CREB3L2: variants seen among roughly 807,000 people sequenced by gnomAD.
CREB3L2 encodes the protein cyclic AMP-responsive element-binding protein 3-like protein 2.
In CREB3L2, 23 loss-of-function variants were observed where a neutral mutation model predicts 57.2. That is an observed-to-expected ratio of 0.40 (90% CI 0.29 to 0.57). The LOEUF (loss-of-function observed/expected upper bound fraction) is 0.57, where lower values mean the gene tolerates loss of function less well. Among genes scored for constraint, CREB3L2 ranks in the 20% least tolerant of loss-of-function variants. The probability of loss-of-function intolerance (pLI) is 0.42; values close to 1 mark genes in which losing one functional copy is unlikely to be tolerated. For missense variants in CREB3L2, 628 were observed against 634.7 expected, an observed-to-expected ratio of 0.99 and a Z score of 0.11; for synonymous variants, 268 against 265.1, an observed-to-expected ratio of 1.01 and a Z score of -0.11.
In CREB3L2 at chr7:137,979,970, A is replaced by G. The variant is rs376933281; in HGVS notation, c.102+21634T>C. Among the ~76,000 whole-genome samples the G allele has an allele frequency of 7.9e-5, 12 of 152,334 alleles. No homozygotes were observed. The East Asian group carries it at 1.9e-3, about 24-fold the overall frequency. On this transcript the variant is annotated intron_variant, in intron 1 of 11. Coordinates refer to ENST00000330387, the MANE Select transcript of CREB3L2 (RefSeq NM_194071.4). Reference sequence around the variant, plus strand: ...TTGATCTGGCATCAGTACCTGGTGCATGCGGATGATGGGTGAGTCCAATCA... The same window carrying G: ...TTGATCTGGCATCAGTACCTGGTGCGTGCGGATGATGGGTGAGTCCAATCA...
In CREB3L2 at chr7:137,964,220, G is replaced by A. The variant is rs150337127; in HGVS notation, c.103-35854C>T. 5.1e-4 allele frequency among the ~76,000 whole-genome samples: 77 copies of A among 152,322 alleles called. 3 individuals are homozygous for A. In the East Asian group the frequency reaches 0.015, roughly 29 times the overall value. On this transcript the variant is annotated intron_variant, in intron 1 of 11. Transcript: ENST00000330387. ...AATCCCAGCTACTTGGGAGGCTGAG[G>A]CAGGAGAATCACTTGAACCCAGGAG...
At position 137,992,564 on chromosome 7, in the gene CREB3L2, C is replaced by A. The variant is rs955837850; in HGVS notation, c.102+9040G>T. ...TCAGGTGGACCTAGCAGGCTTGAGT[C>A]AAACTCCAAAGATCTGCTTTTCGTC... On this transcript the variant is annotated intron_variant, in intron 1 of 11. Coordinates refer to ENST00000330387, the MANE Select transcript of CREB3L2 (RefSeq NM_194071.4). Among the ~76,000 whole-genome samples the A allele has an allele frequency of 4.6e-5, 7 of 152,332 alleles. No individual in the cohort carries two copies. The South Asian group carries it at 1.0e-3, about 23-fold the overall frequency.
intron 1 of CREB3L2, among the ~76,000 whole-genome samples, chr7:137,993,699 T>A (rs1295933822): frequency 6.6e-6 from 1 of 152,118 alleles, no homozygotes; most frequent in South Asian, 2.1e-4. Context: ...GTTTTAAAAA[T>A]ATATAAAAAC....
At chr7:137,882,358 C>A in intron 11 of CREB3L2, 54 bp downstream of exon 11, 1 of 1,401,080 alleles carries the variant, frequency 7.1e-7, no homozygotes, top group South Asian at 1.2e-5. Flanking sequence ...GTTGCTGACT[C>A]ATAACCCACC....
At chr7:137,979,038 C>G (rs1801663946) in intron 1 of CREB3L2, among the ~76,000 whole-genome samples, 1 of 152,152 alleles carries the variant, frequency 6.6e-6, no homozygotes, top group African/African-American at 2.4e-5. Flanking sequence ...TGATGCTACT[C>G]TGGGAAAAAG....
At chr7:137,930,749 G>C (rs1800598332) in intron 1 of CREB3L2, among the ~76,000 whole-genome samples, 1 of 152,176 alleles carries the variant, frequency 6.6e-6, no homozygotes, top group African/African-American at 2.4e-5. Flanking sequence ...GTCAGGGAGA[G>C]AGCTCTCTGA....
At position 137,928,279 on chromosome 7, in the gene CREB3L2, T is replaced by A. The variant is rs979100875; in HGVS notation, c.190A>T (p.Met64Leu). 6.2e-7 allele frequency: 1 copy of A among 1,614,060 alleles called. No individual in the cohort carries two copies. Among genetic ancestry groups the A allele is most frequent in the South Asian group, 1.1e-5 (1 of 91,056 alleles). The change falls in exon 2 of 12, where the codon ATG (methionine) becomes TTG (leucine). Residue 64 changes from methionine (M) to leucine (L), a missense_variant. Met to Leu is a conservative substitution (Grantham distance 15, BLOSUM62 2). This residue lies in a region of CREB3L2 where 339 missense variants were observed against 355.4 expected (regional missense o/e 0.95). Transcript: ENST00000330387. Reference protein sequence around the residue: ...DPFLSEKSVSMEVEPSPTSPA... With the variant: ...DPFLSEKSVSLEVEPSPTSPA... ...GACGTCGGGGAAGGTTCCACCTCCA[T>A]TGACACACTCTTCTCTGAGAGGAAA... is the stretch of plus-strand genomic sequence containing the variant.
chr7:137,944,303 A>G (rs1411039578), intron 1 of CREB3L2, among the ~76,000 whole-genome samples: 1 of 152,196 alleles, frequency 6.6e-6, no homozygotes, highest in Admixed American at 6.5e-5. Context: ...TCTCTGCCTC[A>G]TGATGTCTGC....
chr7:137,996,598 C>T (rs1227366377), intron 1 of CREB3L2, among the ~76,000 whole-genome samples: 2 of 152,172 alleles, frequency 1.3e-5, no homozygotes, highest in African/African-American at 4.8e-5. Flanking sequence ...TATCACTCTC[C>T]GGGCCAGGCG....
chr7:137,932,346 T>C (rs981386951), intron 1 of CREB3L2, among the ~76,000 whole-genome samples: 1 of 152,190 alleles, frequency 6.6e-6, no homozygotes, highest in Non-Finnish European at 1.5e-5. Context: ...GTTTTCAGAA[T>C]GTGGTTTAAA....
At chr7:137,961,726 C>T (rs922429265) in intron 1 of CREB3L2, among the ~76,000 whole-genome samples, 2 of 152,268 alleles carry the variant, frequency 1.3e-5, no homozygotes, top group African/African-American at 2.4e-5. Context: ...CCGGGGGGCA[C>T]ACCTCACAAG....
chr7:137,881,704 C>T (rs1235034883), intron 11 of CREB3L2, among the ~76,000 whole-genome samples: 1 of 152,184 alleles, frequency 6.6e-6, no homozygotes, highest in Non-Finnish European at 1.5e-5. Flanking sequence ...AATCACCAAC[C>T]ATGTCACACG....
At chr7:137,898,410 A>G (rs543825160) in intron 8 of CREB3L2, among the ~76,000 whole-genome samples, 3 of 152,366 alleles carry the variant, frequency 2.0e-5, no homozygotes, top group Non-Finnish European at 2.9e-5. Flanking sequence ...CTCTGCTGGT[A>G]TATACCCAAA....
intron 1 of CREB3L2, among the ~76,000 whole-genome samples, chr7:137,934,407 T>A (rs748978209): frequency 6.6e-5 from 10 of 152,220 alleles, no homozygotes; most frequent in Non-Finnish European, 1.3e-4. Context: ...ATGGACTAAG[T>A]ACTTGACATA....
At chr7:137,949,940 C>T (rs555644912) in intron 1 of CREB3L2, among the ~76,000 whole-genome samples, 15 of 152,226 alleles carry the variant, frequency 9.9e-5, no homozygotes, top group Non-Finnish European at 1.5e-4. Context: ...TCCTTGTCAA[C>T]GGAGGTACTG....
intron 1 of CREB3L2, among the ~76,000 whole-genome samples, chr7:137,979,554 C>G (rs890665008): frequency 6.6e-6 from 1 of 151,978 alleles, no homozygotes; most frequent in Non-Finnish European, 1.5e-5. Context: ...TGAAACCCCA[C>G]CTCTACTAAA....
intron 1 of CREB3L2, among the ~76,000 whole-genome samples, chr7:137,971,198 C>G (rs993174462): frequency 7.2e-5 from 11 of 152,044 alleles, no homozygotes; most frequent in Admixed American, 2.6e-4. Context: ...CGCCTGTAAT[C>G]CCAGCACTTT....
chr7:137,898,691 G>A (rs190060058), intron 8 of CREB3L2, among the ~76,000 whole-genome samples: 1 of 152,244 alleles, frequency 6.6e-6, no homozygotes, highest in East Asian at 1.9e-4. Context: ...ACAAAGTAGA[G>A]TCTGTAGTGG....
chr7:137,997,885 C>T (rs756857357), intron 1 of CREB3L2, among the ~76,000 whole-genome samples: 3 of 152,130 alleles, frequency 2.0e-5, no homozygotes, highest in African/African-American at 7.2e-5. Flanking sequence ...TTTCTTCTCA[C>T]GGTGGTACCG....
Sources: gnomAD v4.1 joint callset for allele counts (sites outside exome capture counted in the v4.1 genomes callset) on GRCh38, gnomAD v4.1.1 for gene constraint, gnomAD v4.1.1 regional missense constraint, MANE v1.5 for transcripts, NCBI Gene and HGNC (gene_info 2026-07-23, HGNC 2026-07-21) for gene names.